ARSF: variants seen among roughly 807,000 people sequenced by gnomAD.
The protein encoded by ARSF is arylsulfatase F.
Under a neutral mutation model 35.4 loss-of-function variants are expected in ARSF, and 33 were observed. The ratio of observed to expected loss-of-function variants is 0.93; its 90% confidence interval spans 0.71 to 1.25. The LOEUF (loss-of-function observed/expected upper bound fraction) is 1.25. Ranked by LOEUF, ARSF falls within the 50% of genes most tolerant of loss-of-function variation. The pLI is 0.00. For synonymous variants in ARSF, 222 were observed against 193.1 expected, an observed-to-expected ratio of 1.15 and a Z score of -1.24; for missense variants, 501 against 480.2, an observed-to-expected ratio of 1.04 and a Z score of -0.40.
Position 3,110,154 on chromosome X carries a change from C to T in ARSF, c.1292C>T (p.Pro431Leu), listed in dbSNP as rs768579665. ...GTCATTGACGGCCGAGACCTCATGC[C>T]CTTGCTGCAGGGCAACGTCAGGCAC... ...DRVIDGRDLM[P>L]LLQGNVRHSE... is the part of the protein sequence containing the mutation. Residue 431 changes from proline to leucine, a missense_variant, in exon 10 of 11, where the codon CCC (proline) becomes CTC (leucine). Transcript: ENST00000381127. 1.1e-5 allele frequency: 13 copies of T among 1,196,872 alleles called. No individual in the cohort carries two copies. The South Asian group carries it at 1.8e-4, about 17-fold the overall frequency.
intron 9 of ARSF, among the ~76,000 whole-genome samples, chrX:3,105,385 A>G: frequency 8.9e-6 from 1 of 112,456 alleles, no homozygotes; most frequent in Non-Finnish European, 1.9e-5. Flanking sequence ...TTAGATGAAG[A>G]CATTTTTATT....
At position 3,076,541 on chromosome X, in the gene ARSF, C is replaced by T; in HGVS notation, c.162-7C>T. 1.7e-6 allele frequency: 2 copies of T among 1,198,416 alleles called. No individual in the cohort carries two copies. The highest frequency in any genetic ancestry group is 1.8e-5 in the South Asian group (1 of 55,124). ...CTCTCCAATACACCTTCCCTCTCCC[C>T]CTTCAGGACGCCTCACATCGACCGC... On this transcript the variant is annotated splice_polypyrimidine_tract_variant and splice_region_variant and intron_variant, in intron 3 of 10. Transcript: ENST00000381127.
At chrX:3,051,263 CT>C (rs2089996220) in intron 1 of ARSF, among the ~76,000 whole-genome samples, 1 of 111,884 alleles carries the variant, frequency 8.9e-6, no homozygotes, top group Admixed American at 9.5e-5. Context: ...TGTCTTATGT[CT>C]CCCTAAAATG....
At chrX:3,109,642 C>A (rs1194176627) in intron 9 of ARSF, among the ~76,000 whole-genome samples, 1 of 110,981 alleles carries the variant, frequency 9.0e-6, no homozygotes. Flanking sequence ...TCTTCATGTT[C>A]ATGTGTACCC....
chrX:3,087,169 T>A (rs2090254402), intron 6 of ARSF, among the ~76,000 whole-genome samples: 1 of 112,213 alleles, frequency 8.9e-6, no homozygotes, highest in Non-Finnish European at 1.9e-5. Flanking sequence ...CCTTTTACCA[T>A]GTAATATCAC....
At chrX:3,051,720 A>G (rs1007867177) in intron 1 of ARSF, among the ~76,000 whole-genome samples, 1 of 111,805 alleles carries the variant, frequency 8.9e-6, no homozygotes, top group African/African-American at 3.2e-5. Flanking sequence ...TTGGCCAGGC[A>G]TGGTGGCTCA....
chrX:3,085,358 TAA>T (rs202237611), intron 6 of ARSF, among the ~76,000 whole-genome samples: 8 of 105,394 alleles, frequency 7.6e-5, no homozygotes, highest in African/African-American at 1.0e-4. Context: ...TACATATAGA[TAA>T]ATATATATAT....
intron 5 of ARSF, 144 bp downstream of exon 5, chrX:3,081,157 A>G (rs1367304485): frequency 3.6e-6 from 3 of 834,848 alleles, no homozygotes; most frequent in Non-Finnish European, 4.8e-6. Flanking sequence ...CAATCCCAGT[A>G]CTTTGGGAGG....
intron 7 of ARSF, among the ~76,000 whole-genome samples, chrX:3,095,154 A>G (rs899759427): frequency 1.8e-5 from 2 of 108,251 alleles, no homozygotes; most frequent in Non-Finnish European, 3.8e-5. Flanking sequence ...TCTCAGAAAT[A>G]ATCATTTCCA....
chrX:3,109,446 A>C (rs975958411), intron 9 of ARSF, among the ~76,000 whole-genome samples: 1 of 111,895 alleles, frequency 8.9e-6, no homozygotes, highest in African/African-American at 3.2e-5. Context: ...AAATTTTTAA[A>C]ATTCATTTTA....
intron 1 of ARSF, among the ~76,000 whole-genome samples, chrX:3,062,920 T>C (rs938805239): frequency 1.8e-5 from 2 of 111,403 alleles, no homozygotes; most frequent in Admixed American, 9.6e-5. Context: ...TTCCAATCAA[T>C]AGAAAAAGAG....
chrX:3,060,745 G>T (rs1989336541), intron 1 of ARSF, among the ~76,000 whole-genome samples: 1 of 111,353 alleles, frequency 9.0e-6, no homozygotes, highest in Admixed American at 9.6e-5. Flanking sequence ...GAAATAAAGT[G>T]ATAAGAGAAG....
At chrX:3,110,606 T>C (rs1237528934) in intron 10 of ARSF, among the ~76,000 whole-genome samples, 1 of 112,294 alleles carries the variant, frequency 8.9e-6, no homozygotes, top group Non-Finnish European at 1.9e-5. Context: ...TTACGAAACA[T>C]ACATTTTTAG....
intron 4 of ARSF, among the ~76,000 whole-genome samples, chrX:3,077,789 TTTATTATTATTA>T (rs760984034): frequency 3.3e-5 from 3 of 92,225 alleles, no homozygotes; most frequent in Non-Finnish European, 4.2e-5. Context: ...TTTTATTTTA[TTTATTATTATTA>T]TTATTATTAT....
intron 9 of ARSF, among the ~76,000 whole-genome samples, chrX:3,104,224 C>G (rs897913130): frequency 2.7e-5 from 3 of 110,791 alleles, no homozygotes; most frequent in African/African-American, 9.8e-5. Context: ...TTCCTCTCAT[C>G]TCTCCCCTCT....
chrX:3,106,117 A>T (rs2090409458), intron 9 of ARSF, among the ~76,000 whole-genome samples: 1 of 112,059 alleles, frequency 8.9e-6, no homozygotes, highest in Admixed American at 9.5e-5. Flanking sequence ...CCTTGATAAG[A>T]TGTATAGTAC....
At chrX:3,073,168 C>A (rs2090118342) in intron 3 of ARSF, among the ~76,000 whole-genome samples, 3 of 93,595 alleles carry the variant, frequency 3.2e-5, no homozygotes, top group Admixed American at 2.6e-4. Context: ...ATGAATATAT[C>A]TTCATACATA....
At chrX:3,085,447 A>G (rs1469127409) in intron 6 of ARSF, among the ~76,000 whole-genome samples, 1 of 108,764 alleles carries the variant, frequency 9.2e-6, no homozygotes, top group Non-Finnish European at 1.9e-5. Flanking sequence ...AAAAAAAGCT[A>G]CTTGGGGAAA....
At chrX:3,050,311 A>G (rs1167514904) in intron 1 of ARSF, among the ~76,000 whole-genome samples, 9 of 110,182 alleles carry the variant, frequency 8.2e-5, no homozygotes, top group South Asian at 3.9e-4. Context: ...TGGGAGGCCA[A>G]GGCAGGCGGA....
Sources: allele counts gnomAD v4.1 joint callset (sites outside exome capture counted in the v4.1 genomes callset), GRCh38; gene constraint gnomAD v4.1.1; transcripts MANE v1.5; gene names NCBI Gene and HGNC (gene_info 2026-07-23, HGNC 2026-07-21).